BLK: variants seen among roughly 807,000 people sequenced by gnomAD.
The protein encoded by BLK is tyrosine-protein kinase Blk.
A neutral mutation model predicts 61.8 loss-of-function variants in BLK; 64 were observed. The ratio of observed to expected loss-of-function variants is 1.03; its 90% CI spans 0.85 to 1.27. The LOEUF (loss-of-function observed/expected upper bound fraction) is 1.27. Ranked by LOEUF, BLK falls within the 50% of genes most tolerant of loss-of-function variation. The pLI is 0.00. For missense variants in BLK, 853 were observed against 660.5 expected, an observed-to-expected ratio of 1.29 and a Z score of -3.19; for synonymous variants, 351 against 272.0, an observed-to-expected ratio of 1.29 and a Z score of -2.86.
chr8:11,560,051 T>G, intron 10 of BLK: 1 of 340,106 alleles, frequency 2.9e-6, no homozygotes, highest in East Asian at 8.1e-5. Context: ...GTACTCAGTT[T>G]TATATTCCCC....
chr8:11,558,711 C>T (rs111571321), intron 10 of BLK: 34 of 456,220 alleles, frequency 7.5e-5, no homozygotes, highest in Middle Eastern at 3.3e-4. Context: ...GGGTTTTAGC[C>T]GAGAGCTCTA....
At chr8:11,502,003 G>A (rs1028003371) in intron 1 of BLK, among the ~76,000 whole-genome samples, 2 of 152,234 alleles carry the variant, frequency 1.3e-5, no homozygotes, top group African/African-American at 4.8e-5. Flanking sequence ...GCATTTGCCT[G>A]TTCCTGTTGT....
chr8:11,528,551 G>A (rs1322889606), intron 1 of BLK, among the ~76,000 whole-genome samples: 4 of 152,214 alleles, frequency 2.6e-5, no homozygotes, highest in Admixed American at 2.0e-4. Context: ...TGTTAGCTAC[G>A]GAGATGAGAA....
At chr8:11,539,443 AT>A (rs1347130610) in intron 1 of BLK, among the ~76,000 whole-genome samples, 1 of 151,480 alleles carries the variant, frequency 6.6e-6, no homozygotes, top group African/African-American at 2.4e-5. Flanking sequence ...TCTGTTTGGG[AT>A]TTTTTTTCGG....
intron 1 of BLK, among the ~76,000 whole-genome samples, chr8:11,504,110 G>A (rs755691386): frequency 8.5e-5 from 13 of 152,144 alleles, no homozygotes; most frequent in Admixed American, 2.6e-4. Context: ...GATCACTTGA[G>A]GTCAGGAGTT....
intron 1 of BLK, among the ~76,000 whole-genome samples, chr8:11,541,833 T>C (rs1055616587): frequency 1.3e-5 from 2 of 152,158 alleles, no homozygotes; most frequent in Non-Finnish European, 2.9e-5. Context: ...TCTGAAACCC[T>C]AAATCTCTGA....
At chr8:11,543,967 T>G (rs914456358) in intron 2 of BLK, among the ~76,000 whole-genome samples, 4 of 53,932 alleles carry the variant, frequency 7.4e-5, no homozygotes, top group Non-Finnish European at 1.4e-4. Context: ...GAAGATGCAT[T>G]TTTTTTTTTT....
In BLK at chr8:11,559,406, CAG is replaced by C. The variant is rs36087382; in HGVS notation, c.1029+1370_1029+1371del. ...ACTCACACACAGACAGACACACACACAGACACACAGACTCACACACACAAACT... is the reference window on the plus strand; with the variant it reads ...ACTCACACACAGACAGACACACACACACACACAGACTCACACACACAAACT... On this transcript the variant is annotated intron_variant, in intron 10 of 12. Coordinates refer to ENST00000259089, the MANE Select transcript of BLK (RefSeq NM_001715.3). Among the ~76,000 whole-genome samples, 23 of 131,584 alleles carry C rather than the reference CAG, an allele frequency of 1.7e-4. 1 individual carries two copies. Among genetic ancestry groups the C allele is most frequent in the African/African-American group, 2.8e-4 (10 of 35,988 alleles). 86.3% of individuals were successfully genotyped at this position (131,584 alleles called of 152,430 possible).
rs563208192 is a variant in BLK, at chr8:11,551,510, C to T, written c.472+1248C>T. Among the ~76,000 whole-genome samples, 92 of 152,314 alleles carry T rather than the reference C, an allele frequency of 6.0e-4. 1 individual carries two copies. The South Asian group carries it at 0.018, about 29-fold the overall frequency. On this transcript the variant is annotated intron_variant, in intron 6 of 12. Transcript: ENST00000259089. ...CTGTCTCCACATATAGCCACATTCT[C>T]AGGACCGAGGGTTAGGACTTTAACA...
At chr8:11,549,807 G>C (rs760204283) in intron 5 of BLK, among the ~76,000 whole-genome samples, 1 of 152,242 alleles carries the variant, frequency 6.6e-6, no homozygotes, top group Non-Finnish European at 1.5e-5. Context: ...GCCTAATTCA[G>C]ATCTCAGACT....
At chr8:11,502,903 C>A (rs1798621273) in intron 1 of BLK, among the ~76,000 whole-genome samples, 1 of 152,172 alleles carries the variant, frequency 6.6e-6, no homozygotes, top group African/African-American at 2.4e-5. Flanking sequence ...GGATGGAGAA[C>A]CTGTCCCCAT....
At chr8:11,512,227 T>C (rs1799039093) in intron 1 of BLK, among the ~76,000 whole-genome samples, 1 of 152,200 alleles carries the variant, frequency 6.6e-6, no homozygotes, top group South Asian at 2.1e-4. Context: ...TGGTGATGTG[T>C]GGATGACCTC....
In BLK at chr8:11,546,615, A is replaced by G. The variant is rs1233738548; in HGVS notation, c.175+512A>G. Reference sequence around the variant, plus strand: ...TTTGAGACAGAGTCTCGCTCTTGTCACCCAGGCTGCAGTGCAGTGACCCAA... The same window carrying G: ...TTTGAGACAGAGTCTCGCTCTTGTCGCCCAGGCTGCAGTGCAGTGACCCAA... On this transcript the variant is annotated intron_variant, in intron 3 of 12. Transcript: ENST00000259089. Among the ~76,000 whole-genome samples the G allele has an allele frequency of 4.3e-4, 66 of 151,934 alleles. 1 individual carries two copies. Among genetic ancestry groups the G allele is most frequent in the Admixed American group, 4.3e-3 (65 of 15,266 alleles).
intron 10 of BLK, chr8:11,558,622 A>G (rs1178267362): frequency 6.6e-6 from 3 of 455,568 alleles, no homozygotes; most frequent in Non-Finnish European, 1.3e-5. Context: ...TTGGCTACCC[A>G]GGACTGGTCC....
At position 11,543,607 on chromosome 8, in the gene BLK, G is replaced by A. The variant is rs11780851; in HGVS notation, c.123+260G>A. ...TGTAAAAAGGTCAGCTTGGGGAGAG[G>A]GTGTCGTAAGGAAGGATCCGGGTAT... On this transcript the variant is annotated intron_variant, in intron 2 of 12. Coordinates refer to ENST00000259089, the MANE Select transcript of BLK (RefSeq NM_001715.3). Among the ~76,000 whole-genome samples, 60,770 of 151,970 alleles carry A rather than the reference G, an allele frequency of 0.4. 13,283 individuals are homozygous for A. The highest frequency in any genetic ancestry group is 0.5 in the Non-Finnish European group (33,850 of 67,924).
At chr8:11,524,279 A>G (rs1301515667) in intron 1 of BLK, among the ~76,000 whole-genome samples, 3 of 152,230 alleles carry the variant, frequency 2.0e-5, no homozygotes, top group Non-Finnish European at 2.9e-5. Context: ...GACTATATGT[A>G]TATGTAACAC....
intron 1 of BLK, among the ~76,000 whole-genome samples, chr8:11,532,801 T>C (rs969522933): frequency 1.3e-5 from 2 of 152,234 alleles, no homozygotes; most frequent in Non-Finnish European, 2.9e-5. Context: ...GCACTATGAG[T>C]GCTGAATATG....
At chr8:11,503,333 G>A (rs576488177) in intron 1 of BLK, among the ~76,000 whole-genome samples, 3 of 152,326 alleles carry the variant, frequency 2.0e-5, no homozygotes, top group South Asian at 4.1e-4. Context: ...GAGCTTGTGT[G>A]TAGGTGGGCA....
chr8:11,495,252 G>A (rs1798321667), intron 1 of BLK, among the ~76,000 whole-genome samples: 1 of 152,156 alleles, frequency 6.6e-6, no homozygotes, highest in Non-Finnish European at 1.5e-5. Flanking sequence ...GGTAATGCGG[G>A]TGGATGAAGT....
Sources: allele counts gnomAD v4.1 joint callset (sites outside exome capture counted in the v4.1 genomes callset), GRCh38; gene constraint gnomAD v4.1.1; transcripts MANE v1.5; gene names NCBI Gene and HGNC (gene_info 2026-07-23, HGNC 2026-07-21).